Variants in NEB observed in about 807,000 individuals in gnomAD.
NEB encodes nemaline myopathy type 2.
NEB carries 512 observed loss-of-function variants against 952.2 expected under a neutral mutation model. The ratio of observed to expected loss-of-function variants is 0.54; its 90% CI spans 0.50 to 0.58. The LOEUF (loss-of-function observed/expected upper bound fraction) is 0.58, where lower values mean the gene tolerates loss of function less well. Ranked by LOEUF, NEB falls within the 20% of genes least tolerant of loss-of-function variation. NEB has a pLI of 0.00. For synonymous variants in NEB, 2,900 were observed against 3,149.8 expected, an observed-to-expected ratio of 0.92 and a Z score of 2.66; for missense variants, 8,428 against 9,231.1, an observed-to-expected ratio of 0.91 and a Z score of 3.56.
In NEB at chr2:151,679,810, A is replaced by C. The variant is rs764040304; in HGVS notation, c.3166T>G (p.Leu1056Val). ...NISENMYKAD[L>V]KDLSKKGYDL... Reference sequence around the variant, plus strand: ...TATCCCTTCTTGCTCAAGTCTTTCAAGTCTGCTTTGTACATATTCTGAAAG... The same window carrying C: ...TATCCCTTCTTGCTCAAGTCTTTCACGTCTGCTTTGTACATATTCTGAAAG... Residue 1056 changes from leucine (L) to valine (V), a missense_variant, in exon 32 of 182, where the codon TTG becomes GTG. Physicochemically the swap from Leu to Val is conservative, Grantham distance 32. This residue lies in a region of NEB where 2,851 missense variants were observed against 2,791.5 expected (regional missense o/e 1.02). Transcript: ENST00000397345. The C allele has an allele frequency of 6.2e-7, 1 of 1,613,670 alleles. No homozygotes were observed. The highest frequency in any genetic ancestry group is 8.5e-7 in the Non-Finnish European group (1 of 1,179,734).
chr2:151,620,773 T>G, intron 72 of NEB, 146 bp downstream of exon 72: 1 of 584,010 alleles, frequency 1.7e-6, no homozygotes, highest in Non-Finnish European at 3.0e-6. Context: ...CTTGTGATCT[T>G]GGGCAAGTTA....
At chr2:151,560,309 C>T (rs2095950336) in intron 124 of NEB, among the ~76,000 whole-genome samples, 1 of 152,154 alleles carries the variant, frequency 6.6e-6, no homozygotes, top group Admixed American at 6.6e-5. Context: ...CCCATCCTTA[C>T]TTCTGACTCT....
intron 153 of NEB, among the ~76,000 whole-genome samples, chr2:151,520,443 G>A (rs116553601): frequency 0.015 from 2,259 of 150,494 alleles, 79 homozygotes; most frequent in East Asian, 0.14. Context: ...AATAAGTTTA[G>A]GTAGGCAGAG....
rs2096803546 is a variant in NEB at position 151,575,679 on chromosome 2, C to G, written c.17013+16G>C. Reference sequence around the variant, plus strand: ...GTAACTTTCCAAACAAAAAGAGAGTCTGTTGTAGTACTTACATTGCTCACA... The same window carrying G: ...GTAACTTTCCAAACAAAAAGAGAGTGTGTTGTAGTACTTACATTGCTCACA... On this transcript the variant is annotated intron_variant, in intron 107 of 181. Coordinates refer to ENST00000397345, the MANE Select transcript of NEB (RefSeq NM_001164508.2). The G allele has an allele frequency of 1.3e-6, 2 of 1,507,348 alleles. No homozygotes were observed. The highest frequency in any genetic ancestry group is 4.5e-5 in the East Asian group (2 of 44,334). The allele number at this position is 1,507,348 out of a possible 1,614,324, so 93.4% of individuals were successfully genotyped here. A position where few individuals can be genotyped will look rare whatever the true frequency, so the allele number is the denominator to read the frequency against.
chr2:151,620,367 A>G (rs1573985494), intron 72 of NEB, among the ~76,000 whole-genome samples: 1 of 78,442 alleles, frequency 1.3e-5, no homozygotes, highest in African/African-American at 3.7e-5. Context: ...ATATATATAT[A>G]TATATATATA....
Position 151,570,237 on chromosome 2 carries a change from G to A in NEB, c.17274C>T (p.Ile5758=), listed in dbSNP as rs372754098. The A allele has an allele frequency of 1.6e-5, 26 of 1,613,778 alleles. No individual in the cohort carries two copies. Among genetic ancestry groups the A allele is most frequent in the South Asian group, 1.4e-4 (13 of 91,050 alleles). The stretch of plus-strand genomic sequence containing the variant: ...TGGAAAGCATGTCCACAGGGCTCTG[G>A]ATCTTGGCCTTCCATTTGGCCCAGT... The part of the protein sequence containing the change: ...RLDWAKWKAK[I]QSPVDMLSIL... The change falls in exon 109 of 182, where the codon ATC becomes ATT. Residue 5758 remains isoleucine, a synonymous_variant. Transcript: ENST00000397345.
At chr2:151,579,226 T>C (rs2097039408) in intron 105 of NEB, 112 bp downstream of exon 105, 6 of 722,952 alleles carry the variant, frequency 8.3e-6, no homozygotes, top group Non-Finnish European at 1.3e-5. Flanking sequence ...ATAATTCTGA[T>C]AAAATAATAA....
chr2:151,667,921 A>C lies in NEB; in HGVS notation c.4612-10T>G. 6.3e-7 allele frequency: 1 copy of C among 1,596,604 alleles called. No individual in the cohort carries two copies. Among genetic ancestry groups the C allele is most frequent in the Non-Finnish European group, 8.6e-7 (1 of 1,167,042 alleles). ...CTGCTTTATAATGAGCCTTCAAAAA[A>C]GTAGAGGTTATTTTATTATTTGACA... On this transcript the variant is annotated splice_polypyrimidine_tract_variant and intron_variant, in intron 39 of 181. Coordinates refer to ENST00000397345, the MANE Select transcript of NEB (RefSeq NM_001164508.2).
chr2:151,510,520 G>A (rs969409366), intron 161 of NEB, among the ~76,000 whole-genome samples: 88 of 152,126 alleles, frequency 5.8e-4, no homozygotes, highest in African/African-American at 1.2e-4. Flanking sequence ...CACTTTCCAC[G>A]GTTTCAGTTA....
At chr2:151,526,294 G>T in intron 148 of NEB, 32 bp from the exon 149 acceptor site, 1 of 1,413,428 alleles carries the variant, frequency 7.1e-7, no homozygotes. Context: ...CATTTCTTTA[G>T]CTCTGCTGGA....
At position 151,697,571 on chromosome 2, in the gene NEB, A is replaced by T. The variant is rs78892743; in HGVS notation, c.1230T>A (p.Asp410Glu). Reference sequence around the variant, plus strand: ...CACTACTGAAGTTCTGCAGAACAGTATCGAGCTTGAATTTGGGGGTCTCGC... The same window carrying T: ...CACTACTGAAGTTCTGCAGAACAGTTTCGAGCTTGAATTTGGGGGTCTCGC... ...NYCETPKFKLDTVLQNFSSDK... is the reference protein window; with the variant it reads ...NYCETPKFKLETVLQNFSSDK... The change falls in exon 14 of 182, where the codon GAT becomes GAA. Residue 410 changes from aspartate (D) to glutamate (E), a missense_variant. Around this residue, in one of 11 missense-constraint regions of NEB, gnomAD observed 2,851 missense variants for 2,791.5 expected, o/e 1.02. Transcript: ENST00000397345. 4 of 1,613,316 alleles carry T rather than the reference A, an allele frequency of 2.5e-6. No homozygotes were observed. Among genetic ancestry groups the T allele is most frequent in the Non-Finnish European group, 3.4e-6 (4 of 1,179,788 alleles).
intron 63 of NEB, among the ~76,000 whole-genome samples, chr2:151,637,629 T>C (rs1367877473): frequency 2.6e-5 from 4 of 152,172 alleles, no homozygotes; most frequent in Non-Finnish European, 4.4e-5. Context: ...GTAGCCGCAC[T>C]AACACATCTC....
chr2:151,687,899 T>G (rs1022253259), intron 25 of NEB, among the ~76,000 whole-genome samples, 166 bp from the exon 26 acceptor site: 4 of 152,234 alleles, frequency 2.6e-5, no homozygotes, highest in South Asian at 4.1e-4. Flanking sequence ...TCCAGTTTCT[T>G]TCTCCCTACC....
chr2:151,519,552 T>C, intron 154 of NEB, 106 bp downstream of exon 154: 3 of 819,882 alleles, frequency 3.7e-6, no homozygotes, highest in Non-Finnish European at 3.9e-6. Context: ...GTGACAGTAG[T>C]TGGATAATAT....
rs1349124710 is a variant in NEB, at chr2:151,643,697, A to T, written c.7956+121T>A. ...GGTGCCTCCAGATGTCTGGGTGACT[A>T]GATGCGCTTGGGCATTAGTCCAGGG... On this transcript the variant is annotated intron_variant, in intron 57 of 181. Coordinates refer to ENST00000397345, the MANE Select transcript of NEB (RefSeq NM_001164508.2). The T allele has an allele frequency of 5.5e-6, 8 of 1,446,850 alleles. No individual in the cohort carries two copies. In the East Asian group the frequency reaches 1.2e-4, roughly 21 times the overall value. The allele number at this position is 1,446,850 out of a possible 1,614,324, so 89.6% of individuals were successfully genotyped here.
At position 151,687,387 on chromosome 2, in the gene NEB, T is replaced by A. The variant is rs367585270; in HGVS notation, c.2637+32A>T. ...GGGCATCGTAACAGGGAGTCCATCT[T>A]GAAAACAAGACAGATTCACAAAGAC... On this transcript the variant is annotated intron_variant, in intron 27 of 181. Transcript: ENST00000397345. The A allele has an allele frequency of 3.4e-5, 53 of 1,577,572 alleles. No individual in the cohort carries two copies. In the African/African-American group the frequency reaches 6.3e-4, roughly 19 times the overall value.
Position 151,537,867 on chromosome 2 carries a change from C to T in NEB, c.21102+5G>A. On this transcript the variant is annotated splice_donor_5th_base_variant and intron_variant, in intron 140 of 181. Transcript: ENST00000397345. ...TATGTGAAAATAGAAGATGTCAACA[C>T]TCACATCACTGACTGTGTCAGTGAC... 3 of 1,573,882 alleles carry T rather than the reference C, an allele frequency of 1.9e-6. No individual in the cohort carries two copies. Among genetic ancestry groups the T allele is most frequent in the South Asian group, 1.2e-5 (1 of 84,466 alleles).
At chr2:151,637,581 G>A (rs1300421665) in intron 63 of NEB, among the ~76,000 whole-genome samples, 2 of 152,214 alleles carry the variant, frequency 1.3e-5, no homozygotes, top group African/African-American at 2.4e-5. Flanking sequence ...CGGGCAAAAT[G>A]GGGAAGGGCA....
rs1489378577 is a variant in NEB at position 151,583,932 on chromosome 2, G to A, written c.15664-166C>T. ...TCACTTTAAAGAAGTTAGATAATAC[G>A]ATTTTGGGTCATTTCAGAGAGGACA... On this transcript the variant is annotated intron_variant, in intron 100 of 181. Coordinates refer to ENST00000397345, the MANE Select transcript of NEB (RefSeq NM_001164508.2). 5.4e-5 allele frequency among the ~76,000 whole-genome samples: 7 copies of A among 128,472 alleles called. 2 individuals carry two copies. Among genetic ancestry groups the A allele is most frequent in the Non-Finnish European group, 1.2e-4 (7 of 59,560 alleles). 84.3% of individuals were successfully genotyped at this position (128,472 alleles called of 152,430 possible). A position where few individuals can be genotyped will look rare whatever the true frequency, so the allele number is the denominator to read the frequency against.
Sources: gnomAD v4.1 joint callset for allele counts (sites outside exome capture counted in the v4.1 genomes callset) on GRCh38, gnomAD v4.1.1 for gene constraint, gnomAD v4.1.1 regional missense constraint, MANE v1.5 for transcripts, NCBI Gene and HGNC (gene_info 2026-07-23, HGNC 2026-07-21) for gene names.